The following AUTS2 variants were observed in gnomAD, a reference collection of about 807,000 sequenced individuals.
AUTS2 encodes autism susceptibility gene 2 protein.
Under a neutral mutation model 112.4 loss-of-function variants are expected in AUTS2, and 17 were observed. The observed-to-expected ratio is 0.15, with a 90% CI of 0.10 to 0.23. The LOEUF is 0.23. Among genes scored for constraint, AUTS2 ranks in the 10% least tolerant of loss-of-function variants. AUTS2 has a pLI of 1.00. For missense variants in AUTS2, 1,510 were observed against 1,701.6 expected, an observed-to-expected ratio of 0.89 and a Z score of 1.98; for synonymous variants, 751 against 702.7, an observed-to-expected ratio of 1.07 and a Z score of -1.09.
intron 4 of AUTS2, among the ~76,000 whole-genome samples, chr7:70,257,838 G>A (rs1786963862): frequency 6.6e-6 from 1 of 152,120 alleles, no homozygotes; most frequent in Non-Finnish European, 1.5e-5. Context: ...CATACATCCT[G>A]TTCAGTGTGT....
In AUTS2 at chr7:69,918,432, T is replaced by A. The variant is rs906665457; in HGVS notation, c.522+18934T>A. Among the ~76,000 whole-genome samples the A allele has an allele frequency of 3.9e-5, 6 of 152,044 alleles. 1 individual carries two copies. Among genetic ancestry groups the A allele is most frequent in the African/African-American group, 1.4e-4 (6 of 41,444 alleles). On this transcript the variant is annotated intron_variant, in intron 2 of 18. Coordinates refer to ENST00000342771, the MANE Select transcript of AUTS2 (RefSeq NM_015570.4). Reference sequence around the variant, plus strand: ...TGCCTATACTGAACCCTTTGGAGTCTTTTCATTGTTACGAGGTAACTTTGC... The same window carrying A: ...TGCCTATACTGAACCCTTTGGAGTCATTTCATTGTTACGAGGTAACTTTGC...
chr7:70,709,212 C>T (rs189974093), intron 6 of AUTS2, among the ~76,000 whole-genome samples: 5 of 152,072 alleles, frequency 3.3e-5, no homozygotes, highest in South Asian at 2.1e-4. Context: ...CCACCGTACC[C>T]GGCCTTGTTG....
intron 4 of AUTS2, among the ~76,000 whole-genome samples, chr7:70,148,815 T>C (rs530976127): frequency 6.6e-6 from 1 of 152,170 alleles, no homozygotes; most frequent in Non-Finnish European, 1.5e-5. Flanking sequence ...AAAAATATGA[T>C]GAGAATTTAT....
At chr7:69,735,326 T>G (rs1786982250) in intron 1 of AUTS2, among the ~76,000 whole-genome samples, 1 of 152,154 alleles carries the variant, frequency 6.6e-6, no homozygotes, top group African/African-American at 2.4e-5. Flanking sequence ...TTGTACTGTT[T>G]TCAGACAGTT....
chr7:70,168,486 T>C (rs549711111), intron 4 of AUTS2, among the ~76,000 whole-genome samples: 1 of 152,238 alleles, frequency 6.6e-6, no homozygotes, highest in South Asian at 2.1e-4. Flanking sequence ...TGGCTAATTT[T>C]TGTATTTTTA....
chr7:70,266,877 G>A (rs757129556), intron 4 of AUTS2, among the ~76,000 whole-genome samples: 15 of 152,188 alleles, frequency 9.9e-5, no homozygotes, highest in Non-Finnish European at 2.2e-4. Flanking sequence ...CTGAGATGCA[G>A]AAACAAATCT....
At chr7:69,960,569 G>C (rs941626752) in intron 2 of AUTS2, among the ~76,000 whole-genome samples, 1 of 152,124 alleles carries the variant, frequency 6.6e-6, no homozygotes, top group African/African-American at 2.4e-5. Context: ...TTATATAGAA[G>C]TAAGTATTTA....
chr7:70,488,217 G>A (rs896707363), intron 5 of AUTS2, among the ~76,000 whole-genome samples: 9 of 152,180 alleles, frequency 5.9e-5, no homozygotes, highest in East Asian at 1.9e-4. Context: ...CGTGCCCGGC[G>A]CTCTAAGCTG....
chr7:70,537,229 A>G (rs1274901542), intron 5 of AUTS2, among the ~76,000 whole-genome samples: 1 of 152,224 alleles, frequency 6.6e-6, no homozygotes. Flanking sequence ...TAGATCCTCC[A>G]TAAATCTGGT....
chr7:70,066,252 A>G (rs139028537), intron 2 of AUTS2, among the ~76,000 whole-genome samples: 1 of 152,194 alleles, frequency 6.6e-6, no homozygotes, highest in Admixed American at 6.5e-5. Context: ...ACTTTTGACT[A>G]CCTTCTTAAT....
intron 2 of AUTS2, among the ~76,000 whole-genome samples, chr7:70,046,386 G>GCTAGGATTCGCACATA (rs1417081693): frequency 6.6e-6 from 1 of 152,212 alleles, no homozygotes; most frequent in African/African-American, 2.4e-5. Flanking sequence ...TAAAGCACAT[G>GCTAGGATTCGCACATA]CTAGGATTCG....
Position 70,470,767 on chromosome 7 carries a change from G to A in AUTS2, c.690+34986G>A, listed in dbSNP as rs1034336336. Among the ~76,000 whole-genome samples, 23 of 152,102 alleles carry A rather than the reference G, an allele frequency of 1.5e-4. No individual in the cohort carries two copies. The East Asian group carries it at 2.9e-3, about 19-fold the overall frequency. ...TGTGGAGATGGTCTGTAACCCCACCGGGAGCAGCAGCATCTGAACTGGTTC... is the reference window on the plus strand; with the variant it reads ...TGTGGAGATGGTCTGTAACCCCACCAGGAGCAGCAGCATCTGAACTGGTTC... On this transcript the variant is annotated intron_variant, in intron 5 of 18. Coordinates refer to ENST00000342771, the MANE Select transcript of AUTS2 (RefSeq NM_015570.4).
At chr7:69,683,361 C>T (rs1014735254) in intron 1 of AUTS2, among the ~76,000 whole-genome samples, 1 of 152,202 alleles carries the variant, frequency 6.6e-6, no homozygotes, top group Admixed American at 6.5e-5. Context: ...TAGTTGCCTG[C>T]ATTTGCATAT....
intron 2 of AUTS2, among the ~76,000 whole-genome samples, chr7:70,083,959 A>C (rs566640783): frequency 4.6e-5 from 7 of 152,168 alleles, no homozygotes; most frequent in Non-Finnish European, 1.0e-4. Context: ...AGAAAAAAAA[A>C]TGAATATATC....
chr7:70,322,812 A>G (rs772987105), intron 4 of AUTS2, among the ~76,000 whole-genome samples: 20 of 152,274 alleles, frequency 1.3e-4, no homozygotes, highest in African/African-American at 3.1e-4. Context: ...ACGGATACCA[A>G]TTCATTCGTG....
At chr7:70,635,501 G>A (rs1027816055) in intron 5 of AUTS2, among the ~76,000 whole-genome samples, 2 of 152,178 alleles carry the variant, frequency 1.3e-5, no homozygotes, top group African/African-American at 2.4e-5. Flanking sequence ...CTGAGGACCC[G>A]AAGGCCTGGG....
At chr7:69,876,816 A>G (rs993432811) in intron 1 of AUTS2, among the ~76,000 whole-genome samples, 7 of 152,040 alleles carry the variant, frequency 4.6e-5, no homozygotes, top group African/African-American at 1.7e-4. Flanking sequence ...CCTAATGAGA[A>G]AAACATGTGT....
At chr7:70,095,897 T>C (rs1804169911) in intron 2 of AUTS2, among the ~76,000 whole-genome samples, 1 of 152,228 alleles carries the variant, frequency 6.6e-6, no homozygotes, top group South Asian at 2.1e-4. Flanking sequence ...TTCACCTCTA[T>C]GTATTAATTT....
intron 4 of AUTS2, among the ~76,000 whole-genome samples, chr7:70,358,085 C>T (rs1792093350): frequency 1.3e-5 from 2 of 152,116 alleles, no homozygotes; most frequent in Non-Finnish European, 2.9e-5. Context: ...GTGTTGGGGA[C>T]ACGATTTTGG....
Sources: gnomAD v4.1 joint callset for allele counts (sites outside exome capture counted in the v4.1 genomes callset) on GRCh38, gnomAD v4.1.1 for gene constraint, MANE v1.5 for transcripts, NCBI Gene and HGNC (gene_info 2026-07-23, HGNC 2026-07-21) for gene names.